The following TULP4 variants were observed in gnomAD, a reference collection of about 807,000 sequenced individuals.
TULP4 encodes tubby-related protein 4.
A neutral mutation model predicts 129.0 loss-of-function variants in TULP4; 16 were observed. The ratio of observed to expected loss-of-function variants is 0.12; its 90% CI spans 0.08 to 0.19. TULP4 has a LOEUF of 0.19. Ranked by LOEUF, TULP4 falls within the 10% of genes least tolerant of loss-of-function variation. The pLI, the probability that TULP4 is intolerant of heterozygous loss-of-function variation, is 1.00. For synonymous variants in TULP4, 998 were observed against 854.0 expected (o/e 1.17, Z -2.94); for missense variants, 1,842 against 2,059.1 (o/e 0.89, Z 2.04).
intron 1 of TULP4, among the ~76,000 whole-genome samples, chr6:158,298,288 C>T (rs1043924566): frequency 2.0e-5 from 3 of 151,998 alleles, no homozygotes; most frequent in Admixed American, 6.5e-5. Context: ...CCTGAGGTGA[C>T]GTACATCCTC....
chr6:158,305,971 C>T (rs1779211468), intron 1 of TULP4, among the ~76,000 whole-genome samples: 1 of 152,170 alleles, frequency 6.6e-6, no homozygotes, highest in Non-Finnish European at 1.5e-5. Flanking sequence ...AAATGCCCAA[C>T]ACCACTCATT....
At chr6:158,322,589 T>C (rs2128487645) in intron 1 of TULP4, among the ~76,000 whole-genome samples, 1 of 152,312 alleles carries the variant, frequency 6.6e-6, no homozygotes, top group East Asian at 1.9e-4. Context: ...GTCCTTACAA[T>C]ACCACTTAGT....
At chr6:158,237,322 C>T in intron 1 of TULP4, 1 of 1,605,950 alleles carries the variant, frequency 6.2e-7, no homozygotes, top group South Asian at 1.1e-5. Context: ...CAGCCTTCAA[C>T]AAGAATATTC....
rs181621208 is a variant in TULP4 at position 158,339,432 on chromosome 6, G to A, written c.252+25164G>A. ...TGTCAGCGTTCAAGAGCAGAGAACC[G>A]GTCTGACTAGAATTCGCCAGGCTGG... is the stretch of plus-strand genomic sequence containing the variant. On this transcript the variant is annotated intron_variant, in intron 1 of 13. Transcript: ENST00000367097. Among the ~76,000 whole-genome samples the A allele has an allele frequency of 3.3e-5, 5 of 152,240 alleles. No homozygotes were observed. In the East Asian group the frequency reaches 9.6e-4, roughly 29 times the overall value.
intron 1 of TULP4, among the ~76,000 whole-genome samples, chr6:158,392,790 A>ATTTTTTTTTTTTTTTT (rs1554286987): frequency 7.8e-5 from 3 of 38,620 alleles, no homozygotes; most frequent in South Asian, 8.3e-4. Flanking sequence ...TTAAATTTGT[A>ATTTTTTTTTTTTTTTT]TTTCTTTTTT....
chr6:158,426,319 A>G lies in TULP4; in HGVS notation c.382-3417A>G, dbSNP rs577087308. ...TGCCCGTTCCTATGTCCAGAATGGT[A>G]TTGCCTAGATTGTCTTCAGAGGTTT... On this transcript the variant is annotated intron_variant, in intron 2 of 13. Transcript: ENST00000367097. Among the ~76,000 whole-genome samples the G allele has an allele frequency of 2.6e-5, 4 of 152,242 alleles. No homozygotes were observed. In the South Asian group the frequency reaches 8.3e-4, roughly 32 times the overall value.
At chr6:158,294,213 C>T (rs1357802175) in intron 1 of TULP4, among the ~76,000 whole-genome samples, 3 of 151,758 alleles carry the variant, frequency 2.0e-5, no homozygotes, top group African/African-American at 7.3e-5. Flanking sequence ...AAAATACAAA[C>T]ATTAGCTGGG....
intron 3 of TULP4, among the ~76,000 whole-genome samples, chr6:158,431,733 A>G (rs1437063315): frequency 1.3e-5 from 2 of 152,036 alleles, no homozygotes; most frequent in East Asian, 3.9e-4. Context: ...TACCACAGGG[A>G]GTGGTTTCCT....
At chr6:158,480,540 C>A (rs1779917367) in intron 7 of TULP4, among the ~76,000 whole-genome samples, 1 of 152,254 alleles carries the variant, frequency 6.6e-6, no homozygotes, top group African/African-American at 2.4e-5. Context: ...ATGTAGAATG[C>A]ATCTGCCAGT....
intron 6 of TULP4, among the ~76,000 whole-genome samples, chr6:158,469,275 T>C (rs545983678): frequency 7.1e-6 from 1 of 141,198 alleles, no homozygotes; most frequent in African/African-American, 2.6e-5. Flanking sequence ...AAAACAGACC[T>C]TTTTTTTTTT....
intron 1 of TULP4, among the ~76,000 whole-genome samples, chr6:158,239,244 C>A (rs564367629): frequency 0.014 from 960 of 67,782 alleles, 116 homozygotes; most frequent in East Asian, 0.023. Flanking sequence ...CTGACCCCCC[C>A]ACCTCCCTCC....
chr6:158,278,295 A>G (rs1273951379), upstream of TULP4, among the ~76,000 whole-genome samples: 1 of 152,188 alleles, frequency 6.6e-6, no homozygotes, highest in African/African-American at 2.4e-5. Flanking sequence ...CAGCTTCACA[A>G]AGAGCAAGTC....
chr6:158,466,905 CTG>C (rs548572820), intron 6 of TULP4, among the ~76,000 whole-genome samples: 35 of 152,294 alleles, frequency 2.3e-4, no homozygotes, highest in Non-Finnish European at 4.1e-4. Context: ...TTTTCGCACT[CTG>C]TATTCCTCAG....
intron 1 of TULP4, among the ~76,000 whole-genome samples, chr6:158,337,035 T>TTCTTTCTTTCTTTCTTTC (rs1554281465): frequency 3.0e-4 from 8 of 26,636 alleles, no homozygotes; most frequent in African/African-American, 5.4e-4. Flanking sequence ...CTTTCTTTCT[T>TTCTTTCTTTCTTTCTTTC]TTTCTTTCTT....
At chr6:158,246,224 G>A (rs183520784) in intron 1 of TULP4, among the ~76,000 whole-genome samples, 7 of 152,186 alleles carry the variant, frequency 4.6e-5, no homozygotes, top group South Asian at 2.1e-4. Context: ...CATCTGGGCC[G>A]GGCATGGTGG....
intron 1 of TULP4, among the ~76,000 whole-genome samples, chr6:158,399,855 A>G (rs1045483967): frequency 6.6e-6 from 1 of 152,190 alleles, no homozygotes; most frequent in Admixed American, 6.5e-5. Context: ...GTTCTTTAGC[A>G]TTCATGTGGA....
intron 1 of TULP4, among the ~76,000 whole-genome samples, chr6:158,403,425 C>T (rs1777898433): frequency 1.3e-5 from 2 of 152,084 alleles, no homozygotes; most frequent in South Asian, 2.1e-4. Context: ...CCACAACCTC[C>T]GCCTCTCGGG....
intron 1 of TULP4, among the ~76,000 whole-genome samples, chr6:158,288,204 A>G (rs1236244830): frequency 1.3e-5 from 2 of 152,180 alleles, no homozygotes; most frequent in African/African-American, 4.8e-5. Flanking sequence ...ATCACCTTTA[A>G]TAATTTGCAT....
intron 1 of TULP4, among the ~76,000 whole-genome samples, chr6:158,302,786 C>T (rs1779153439): frequency 6.6e-6 from 1 of 151,938 alleles, no homozygotes; most frequent in African/African-American, 2.4e-5. Flanking sequence ...ACTGGGAGCA[C>T]TGTAAGAGTT....
Sources: allele counts gnomAD v4.1 joint callset (sites outside exome capture counted in the v4.1 genomes callset), GRCh38; gene constraint gnomAD v4.1.1; transcripts MANE v1.5; gene names NCBI Gene and HGNC (gene_info 2026-07-23, HGNC 2026-07-21).